The following TPD52 variants were observed in gnomAD, a reference collection of about 807,000 sequenced individuals.
TPD52 encodes the protein prostate and colon associated protein.
In TPD52, 17 loss-of-function variants were observed where a neutral mutation model predicts 31.3. The ratio of observed to expected loss-of-function variants is 0.54; its 90% CI spans 0.37 to 0.82. The LOEUF is 0.82. Ranked by LOEUF, TPD52 falls within the 40% of genes least tolerant of loss-of-function variation. The probability of loss-of-function intolerance (pLI) is 0.00; values close to 1 mark genes in which losing one functional copy is unlikely to be tolerated. For missense variants in TPD52, 212 were observed against 240.1 expected, an observed-to-expected ratio of 0.88 and a Z score of 0.77; for synonymous variants, 83 against 89.6, an observed-to-expected ratio of 0.93 and a Z score of 0.42.
At chr8:80,038,536 A>C (rs145435678) in intron 7 of TPD52, among the ~76,000 whole-genome samples, 147 of 152,340 alleles carry the variant, frequency 9.6e-4, no homozygotes, top group African/African-American at 3.5e-3. Flanking sequence ...CTATTATTTT[A>C]AAGTACCTAG....
Position 80,042,573 on chromosome 8 carries a change from G to A in TPD52, c.504+47C>T, listed in dbSNP as rs192649524. On this transcript the variant is annotated intron_variant, in intron 7 of 7. Transcript: ENST00000518937. ...ATTTTCGCACAGCAAAGTTAATTAA[G>A]ACACCAGGCAATGTATCAAAAAGAC... 4,605 of 1,566,052 alleles carry A rather than the reference G, an allele frequency of 2.9e-3. 11 individuals are homozygous for A. Among genetic ancestry groups the A allele is most frequent in the Non-Finnish European group, 3.5e-3 (4,021 of 1,158,912 alleles).
intron 1 of TPD52, among the ~76,000 whole-genome samples, chr8:80,145,049 C>T (rs1372685931): frequency 6.6e-6 from 1 of 152,168 alleles, no homozygotes; most frequent in Non-Finnish European, 1.5e-5. Context: ...CTAACTCAGG[C>T]TCAGCTGAAG....
At chr8:80,033,479 C>G (rs1809745486), downstream of TPD52, among the ~76,000 whole-genome samples, 1 of 152,126 alleles carries the variant, frequency 6.6e-6, no homozygotes, top group Non-Finnish European at 1.5e-5. Flanking sequence ...GGTGGGAAGG[C>G]TATAATGTTA....
At chr8:80,164,898 CAAAAAAAAAAAAAAAA>C (rs34027501) in intron 1 of TPD52, among the ~76,000 whole-genome samples, 13 of 31,904 alleles carry the variant, frequency 4.1e-4, no homozygotes, top group Admixed American at 3.1e-3. Context: ...GACAATGTCT[CAAAAAAAAAAAAAAAA>C]AAAAAAAAAA....
chr8:80,072,798 C>CACACATATATATATATAT lies in TPD52; in HGVS notation c.20-8206_20-8205insATATATATATATATGTGT, dbSNP rs977939775. On this transcript the variant is annotated intron_variant, in intron 1 of 7. Transcript: ENST00000518937. ...ATATATACACATACACACACACACA[C>CACACATATATATATATAT]ATATATATATATATATAAACTTGGC... Among the ~76,000 whole-genome samples the CACACATATATATATATAT allele has an allele frequency of 5.0e-5, 7 of 141,084 alleles. No individual in the cohort carries two copies. The East Asian group carries it at 9.9e-4, about 20-fold the overall frequency. The allele number at this position is 141,084 out of a possible 152,430, so 92.6% of individuals were successfully genotyped here.
chr8:80,138,300 T>C (rs1809582060), intron 1 of TPD52, among the ~76,000 whole-genome samples: 1 of 152,174 alleles, frequency 6.6e-6, no homozygotes, highest in African/African-American at 2.4e-5. Context: ...GGTACCTGTG[T>C]TTGACAATAA....
Position 80,061,221 on chromosome 8 carries a change from G to A in TPD52, c.135+3257C>T, listed in dbSNP as rs187687931. ...CTCTACTAAAAATACAAAATTAGCC[G>A]GGCGTAGTGGCACATTCGTGTAATC... is the stretch of plus-strand genomic sequence containing the variant. On this transcript the variant is annotated intron_variant, in intron 2 of 7. Coordinates refer to ENST00000518937, the MANE Select transcript of TPD52 (RefSeq NM_001025253.3). 3.6e-4 allele frequency among the ~76,000 whole-genome samples: 55 copies of A among 151,702 alleles called. 1 individual carries two copies. Among genetic ancestry groups the A allele is most frequent in the African/African-American group, 1.2e-3 (49 of 41,352 alleles).
Position 80,035,901 on chromosome 8 carries a change from T to C in TPD52, c.*2215A>G, listed in dbSNP as rs973906760. ...ACTAATTACTATGTTTCTCATTCTT[T>C]AAATATCTGTGAATTCATAATATTG... On this transcript the variant is annotated 3_prime_UTR_variant, in exon 8 of 8. Transcript: ENST00000518937. 2.6e-5 allele frequency: 4 copies of C among 152,252 alleles called. No individual in the cohort carries two copies. The highest frequency in any genetic ancestry group is 1.5e-5 in the Non-Finnish European group (1 of 68,038). 9.4% of individuals were successfully genotyped at this position (152,252 alleles called of 1,614,324 possible).
chr8:80,078,299 C>T (rs1814822910), intron 1 of TPD52, among the ~76,000 whole-genome samples: 1 of 152,226 alleles, frequency 6.6e-6, no homozygotes, highest in African/African-American at 2.4e-5. Context: ...TTCCCAACCT[C>T]TCTGGGTAGG....
intron 1 of TPD52, among the ~76,000 whole-genome samples, chr8:80,135,033 A>G (rs1294024604): frequency 1.3e-5 from 2 of 152,212 alleles, no homozygotes; most frequent in Non-Finnish European, 2.9e-5. Context: ...ATTCCCTTCC[A>G]GGAGACGTAC....
At chr8:80,116,778 A>T (rs574085446) in intron 1 of TPD52, among the ~76,000 whole-genome samples, 2,026 of 26,300 alleles carry the variant, frequency 0.077, 20 homozygotes, top group Middle Eastern at 0.12. Flanking sequence ...TAGGAATGTT[A>T]AAAAAAAAAA....
chr8:80,110,981 G>A (rs1449691190), intron 1 of TPD52, among the ~76,000 whole-genome samples: 1 of 152,176 alleles, frequency 6.6e-6, no homozygotes, highest in Admixed American at 6.5e-5. Context: ...TGAGGTGGAA[G>A]GATCACTTGA....
intron 1 of TPD52, among the ~76,000 whole-genome samples, chr8:80,111,035 G>A (rs1162661756): frequency 1.3e-5 from 2 of 152,028 alleles, no homozygotes; most frequent in Non-Finnish European, 1.5e-5. Flanking sequence ...GTGAGACCTT[G>A]TCTCTAAGAA....
rs1320418169 is a variant in TPD52, at chr8:80,037,672, A to G, written c.*444T>C. The stretch of plus-strand genomic sequence containing the variant: ...AGAAAATACACCCAAACTTTTAATT[A>G]CCAGGATTCAGAATATTTAAGAGAA... On this transcript the variant is annotated 3_prime_UTR_variant, in exon 8 of 8. Coordinates refer to ENST00000518937, the MANE Select transcript of TPD52 (RefSeq NM_001025253.3). The G allele has an allele frequency of 6.5e-6, 1 of 152,738 alleles. No individual in the cohort carries two copies. The highest frequency in any genetic ancestry group is 1.5e-5 in the Non-Finnish European group (1 of 68,408). The allele number at this position is 152,738 out of a possible 1,614,324, so 9.5% of individuals were successfully genotyped here. A position where few individuals can be genotyped will look rare whatever the true frequency, so the allele number is the denominator to read the frequency against.
intron 1 of TPD52, among the ~76,000 whole-genome samples, chr8:80,143,460 T>C (rs1411491276): frequency 1.3e-5 from 2 of 152,334 alleles, no homozygotes; most frequent in Middle Eastern, 3.4e-3. Context: ...ACATTTCTCT[T>C]TGACCAAAAC....
In TPD52 at chr8:80,064,502, T is replaced by C. The variant is rs1241872371; in HGVS notation, c.111A>G (p.Glu37=). ...CCTTTGCAAGTTCTCTTCTTAGCTC[T>C]TCCTGCTCCTCTTCCGAGAGGGTCT... ...ATETLSEEEQ[E]ELRRELAKVE... Residue 37 remains glutamate (E), a synonymous_variant, in exon 2 of 8, where the codon GAA becomes GAG. Coordinates refer to ENST00000518937, the MANE Select transcript of TPD52 (RefSeq NM_001025253.3). 1.9e-6 allele frequency: 3 copies of C among 1,614,042 alleles called. No individual in the cohort carries two copies. Among genetic ancestry groups the C allele is most frequent in the African/African-American group, 2.7e-5 (2 of 74,930 alleles).
chr8:80,148,304 C>T (rs1810339422), intron 1 of TPD52, among the ~76,000 whole-genome samples: 3 of 126,646 alleles, frequency 2.4e-5, no homozygotes, highest in Non-Finnish European at 4.8e-5. Flanking sequence ...AAGTGCACCA[C>T]CATTCCTGGC....
intron 1 of TPD52, among the ~76,000 whole-genome samples, chr8:80,164,253 CA>C (rs942850064): frequency 2.0e-5 from 3 of 152,110 alleles, no homozygotes; most frequent in Admixed American, 6.6e-5. Flanking sequence ...GACATTTTTA[CA>C]TTTTATGAAG....
intron 2 of TPD52, among the ~76,000 whole-genome samples, chr8:80,055,527 A>G (rs1811786136): frequency 6.6e-6 from 1 of 152,224 alleles, no homozygotes; most frequent in African/African-American, 2.4e-5. Context: ...CTAAGACCTC[A>G]GAAACACAGG....
Sources: allele counts gnomAD v4.1 joint callset (sites outside exome capture counted in the v4.1 genomes callset), GRCh38; gene constraint gnomAD v4.1.1; transcripts MANE v1.5; gene names NCBI Gene and HGNC (gene_info 2026-07-23, HGNC 2026-07-21).